Variants in NPAS3 observed in about 807,000 individuals in gnomAD.
NPAS3 encodes the protein neuronal PAS domain protein 3.
Under a neutral mutation model 73.1 loss-of-function variants are expected in NPAS3, and 14 were observed. The observed-to-expected ratio is 0.19, with a 90% CI of 0.13 to 0.30. The LOEUF (loss-of-function observed/expected upper bound fraction) is 0.30. NPAS3 is among the 10% of genes least tolerant of loss of function. The pLI, the probability that NPAS3 is intolerant of heterozygous loss-of-function variation, is 1.00. For synonymous variants in NPAS3, 620 were observed against 541.5 expected (o/e 1.14, Z -2.01); for missense variants, 1,096 against 1,250.0 (o/e 0.88, Z 1.86).
At chr14:33,079,412 G>T (rs537953663) in intron 2 of NPAS3, among the ~76,000 whole-genome samples, 2 of 143,896 alleles carry the variant, frequency 1.4e-5, no homozygotes, top group Admixed American at 1.4e-4. Context: ...TCCGCCTCCC[G>T]AGTTCAAGCG....
At chr14:33,384,915 G>C (rs771907738) in intron 4 of NPAS3, among the ~76,000 whole-genome samples, 1 of 152,076 alleles carries the variant, frequency 6.6e-6, no homozygotes, top group Admixed American at 6.6e-5. Context: ...GGGAAGCCCG[G>C]GCCACACGTT....
downstream of NPAS3, chr14:33,803,723 A>G (rs1376159084): frequency 1.3e-5 from 2 of 151,454 alleles, no homozygotes; most frequent in Admixed American, 6.6e-5. Context: ...AAAAAAAAAA[A>G]AAACACTTCA....
chr14:33,087,905 A>T (rs532047396), intron 2 of NPAS3, among the ~76,000 whole-genome samples: 1 of 152,224 alleles, frequency 6.6e-6, no homozygotes. Context: ...TTGTTTTCAT[A>T]CTTCAGTAAG....
rs1300654290 is a variant in NPAS3, at chr14:33,219,500, A to G, written c.385+4074A>G. ...GTATAAGAAATTCTTAGTCTTTGGAAAGGAACAGTTGAAAAATATGCAAGA... is the reference window on the plus strand; with the variant it reads ...GTATAAGAAATTCTTAGTCTTTGGAGAGGAACAGTTGAAAAATATGCAAGA... On this transcript the variant is annotated intron_variant, in intron 3 of 11. Coordinates refer to ENST00000356141, the Ensembl canonical transcript of NPAS3. Among the ~76,000 whole-genome samples the G allele has an allele frequency of 2.0e-5, 3 of 152,352 alleles. No individual in the cohort carries two copies. The East Asian group carries it at 5.8e-4, about 29-fold the overall frequency.
At chr14:33,002,024 A>G (rs1041425739) in intron 1 of NPAS3, among the ~76,000 whole-genome samples, 3 of 152,194 alleles carry the variant, frequency 2.0e-5, no homozygotes, top group Admixed American at 2.0e-4. Flanking sequence ...ATTATTTTGT[A>G]CATTTCTGGA....
At chr14:33,630,515 A>G (rs2058349507) in intron 5 of NPAS3, among the ~76,000 whole-genome samples, 1 of 152,206 alleles carries the variant, frequency 6.6e-6, no homozygotes. Context: ...ACAAATACAT[A>G]TGTTTGACAA....
chr14:33,591,999 A>C (rs996612828), intron 5 of NPAS3, among the ~76,000 whole-genome samples: 1 of 152,142 alleles, frequency 6.6e-6, no homozygotes, highest in Admixed American at 6.5e-5. Flanking sequence ...GCTGTGATGT[A>C]GATGGAGCTG....
At chr14:33,183,953 A>G (rs959072392) in intron 2 of NPAS3, among the ~76,000 whole-genome samples, 3 of 152,146 alleles carry the variant, frequency 2.0e-5, no homozygotes, top group Non-Finnish European at 4.4e-5. Flanking sequence ...GACAGCCAGT[A>G]TCCCTGAAAA....
At chr14:33,448,423 C>T (rs2049621394) in intron 4 of NPAS3, among the ~76,000 whole-genome samples, 1 of 152,110 alleles carries the variant, frequency 6.6e-6, no homozygotes, top group South Asian at 2.1e-4. Flanking sequence ...ATGGCAACTG[C>T]AAAAGAAGCT....
chr14:33,346,248 C>T (rs190349270), intron 3 of NPAS3, among the ~76,000 whole-genome samples: 3,122 of 147,780 alleles, frequency 0.021, 47 homozygotes, highest in South Asian at 0.049. Context: ...AAGTTGATTC[C>T]GGTGGTACAG....
intron 2 of NPAS3, among the ~76,000 whole-genome samples, chr14:33,069,658 A>G (rs1055295923): frequency 2.0e-5 from 3 of 152,204 alleles, no homozygotes; most frequent in African/African-American, 4.8e-5. Context: ...AGGATTTTCC[A>G]TAGGGATTAA....
At chr14:33,141,475 A>C (rs2044040942) in intron 2 of NPAS3, among the ~76,000 whole-genome samples, 1 of 152,252 alleles carries the variant, frequency 6.6e-6, no homozygotes, top group African/African-American at 2.4e-5. Context: ...ACAAATATAA[A>C]GATGAAAATA....
At chr14:33,053,111 T>C (rs544651696) in intron 1 of NPAS3, among the ~76,000 whole-genome samples, 1 of 152,206 alleles carries the variant, frequency 6.6e-6, no homozygotes, top group Non-Finnish European at 1.5e-5. Flanking sequence ...CAAAATACAT[T>C]TTAGCCAACT....
intron 4 of NPAS3, among the ~76,000 whole-genome samples, chr14:33,511,269 A>G (rs1483313947): frequency 6.6e-6 from 1 of 152,050 alleles, no homozygotes; most frequent in Non-Finnish European, 1.5e-5. Flanking sequence ...ATGTAATTCA[A>G]TCACCTGTTA....
chr14:33,364,119 C>T (rs1280166120), intron 3 of NPAS3, among the ~76,000 whole-genome samples: 2 of 152,138 alleles, frequency 1.3e-5, no homozygotes, highest in African/African-American at 4.8e-5. Flanking sequence ...GTTTTAGAAA[C>T]TGTCAATTTC....
intron 2 of NPAS3, among the ~76,000 whole-genome samples, chr14:33,111,701 G>A (rs949720170): frequency 6.8e-6 from 1 of 147,890 alleles, no homozygotes; most frequent in African/African-American, 2.5e-5. Context: ...TAGGGTACAT[G>A]TGCACAACGT....
intron 3 of NPAS3, among the ~76,000 whole-genome samples, chr14:33,283,029 G>A (rs1433015124): frequency 6.6e-6 from 1 of 152,158 alleles, no homozygotes; most frequent in Non-Finnish European, 1.5e-5. Context: ...CTCATCAGCT[G>A]TCCACATGTG....
At chr14:33,481,760 G>A (rs762053513) in intron 4 of NPAS3, among the ~76,000 whole-genome samples, 8 of 151,934 alleles carry the variant, frequency 5.3e-5, no homozygotes, top group Non-Finnish European at 8.8e-5. Context: ...TCACCAGGAC[G>A]TGTGTTTCAG....
chr14:33,666,809 T>C (rs2059463455), intron 5 of NPAS3, among the ~76,000 whole-genome samples: 1 of 152,236 alleles, frequency 6.6e-6, no homozygotes, highest in Non-Finnish European at 1.5e-5. Context: ...AAATACATGA[T>C]TGACTAATTA....
Sources: allele counts gnomAD v4.1 joint callset (sites outside exome capture counted in the v4.1 genomes callset), GRCh38; gene constraint gnomAD v4.1.1; transcripts MANE v1.5; gene names NCBI Gene and HGNC (gene_info 2026-07-23, HGNC 2026-07-21).